Variants in H6PD observed in about 807,000 individuals in gnomAD.
H6PD encodes the protein GDH/6PGL endoplasmic bifunctional protein.
In H6PD, 48 loss-of-function variants were observed where a neutral mutation model predicts 61.2. That is an observed-to-expected ratio of 0.78 (90% CI 0.62 to 1.00). The LOEUF (loss-of-function observed/expected upper bound fraction) is 1.00. Among genes scored for constraint, H6PD ranks in the 50% least tolerant of loss-of-function variants. H6PD has a pLI of 0.00. For missense variants in H6PD, 1,093 were observed against 1,065.0 expected, an observed-to-expected ratio of 1.03 and a Z score of -0.37; for synonymous variants, 480 against 457.9, an observed-to-expected ratio of 1.05 and a Z score of -0.62.
chr1:9,260,083 C>CTGTTGTTACGCCGGTGTCGTTA (rs2100381508), intron 3 of H6PD, among the ~76,000 whole-genome samples: 1 of 149,986 alleles, frequency 6.7e-6, no homozygotes, highest in South Asian at 2.1e-4. Flanking sequence ...TGTTACGTTG[C>CTGTTGTTACGCCGGTGTCGTTA]TGTTGTTACG....
intron 1 of H6PD, among the ~76,000 whole-genome samples, chr1:9,243,441 G>A (rs540276050): frequency 2.0e-5 from 3 of 152,202 alleles, no homozygotes; most frequent in South Asian, 4.1e-4. Context: ...CAGTTCCTTC[G>A]TCACTGCTCC....
chr1:9,247,784 C>A (rs1557739727), intron 3 of H6PD, among the ~76,000 whole-genome samples: 1 of 152,182 alleles, frequency 6.6e-6, no homozygotes, highest in Non-Finnish European at 1.5e-5. Context: ...GCATGTCACT[C>A]CTTGCAGCTG....
chr1:9,249,214 G>A (rs180818897), intron 3 of H6PD, among the ~76,000 whole-genome samples: 53 of 152,272 alleles, frequency 3.5e-4, no homozygotes, highest in Non-Finnish European at 6.6e-4. Context: ...AGTTCTTCCA[G>A]CCCTCCCACC....
chr1:9,261,670 A>G (rs1638300179), intron 3 of H6PD, among the ~76,000 whole-genome samples: 1 of 152,240 alleles, frequency 6.6e-6, no homozygotes, highest in Admixed American at 6.5e-5. Context: ...GGGGTGCTGC[A>G]GCCCCCGCCA....
intron 1 of H6PD, 29 bp from the exon 2 acceptor site, chr1:9,244,896 T>G (rs1244438470): frequency 6.2e-7 from 1 of 1,609,852 alleles, no homozygotes; most frequent in Admixed American, 1.7e-5. Context: ...TCCTTCCTTG[T>G]TCCTCGTCTG....
intron 4 of H6PD, among the ~76,000 whole-genome samples, chr1:9,262,987 G>T (rs1638380750): frequency 6.6e-6 from 1 of 152,140 alleles, no homozygotes; most frequent in Non-Finnish European, 1.5e-5. Context: ...TCAGCCCCTG[G>T]CTCTTGCCAC....
chr1:9,238,441 CTG>C (rs1359382597), intron 1 of H6PD, among the ~76,000 whole-genome samples: 1 of 152,174 alleles, frequency 6.6e-6, no homozygotes, highest in African/African-American at 2.4e-5. Flanking sequence ...TAGGAAGTTC[CTG>C]TAGTAATCCA....
At position 9,263,605 on chromosome 1, in the gene H6PD, TCTTG is replaced by T. The variant is rs765140953; in HGVS notation, c.1113_1116del (p.Leu372SerfsTer191). The T allele has an allele frequency of 8.5e-5, 137 of 1,614,094 alleles. No individual in the cohort carries two copies. Among genetic ancestry groups the T allele is most frequent in the Non-Finnish European group, 1.1e-4 (127 of 1,180,036 alleles). On this transcript the variant is annotated frameshift_variant, in exon 5 of 5. Coordinates refer to ENST00000377403, the MANE Select transcript of H6PD (RefSeq NM_004285.4). LOFTEE classifies it high-confidence loss of function. Reference sequence around the variant, plus strand: ...GACGAGAGAGTGGGCTACGCTCGGATCTTGTTCAAGAACCAGGCCTGCTGTGTGC... The same window carrying T: ...GACGAGAGAGTGGGCTACGCTCGGATTTCAAGAACCAGGCCTGCTGTGTGC...
At chr1:9,249,981 G>A (rs763180) in intron 3 of H6PD, among the ~76,000 whole-genome samples, 73,434 of 152,038 alleles carry the variant, frequency 0.48, 19,162 homozygotes, top group African/African-American at 0.69. Context: ...CTGCATTCCA[G>A]GAAGGTGGCC....
At chr1:9,248,604 C>T (rs1641259441) in intron 3 of H6PD, among the ~76,000 whole-genome samples, 1 of 145,546 alleles carries the variant, frequency 6.9e-6, no homozygotes, top group South Asian at 2.2e-4. Flanking sequence ...GGACACCAGC[C>T]TGGGGAGCAT....
intron 3 of H6PD, among the ~76,000 whole-genome samples, chr1:9,261,358 G>C (rs1444853988): frequency 6.6e-6 from 1 of 151,920 alleles, no homozygotes; most frequent in Non-Finnish European, 1.5e-5. Context: ...CTGCCTCGGG[G>C]CTTTGGCACC....
intron 3 of H6PD, among the ~76,000 whole-genome samples, chr1:9,261,359 C>G (rs1328203939): frequency 6.6e-6 from 1 of 152,172 alleles, no homozygotes. Context: ...TGCCTCGGGG[C>G]TTTGGCACCT....
chr1:9,249,725 C>T (rs1641300837), intron 3 of H6PD, among the ~76,000 whole-genome samples: 1 of 152,176 alleles, frequency 6.6e-6, no homozygotes, highest in Non-Finnish European at 1.5e-5. Context: ...TAGTTCAGTC[C>T]ACGTTCCTTG....
chr1:9,262,382 G>T, intron 4 of H6PD, 54 bp downstream of exon 4: 1 of 1,517,626 alleles, frequency 6.6e-7, no homozygotes. Context: ...GCCGGGAGCA[G>T]CTTTCCAAAT....
chr1:9,262,858 A>C (rs1351466769), intron 4 of H6PD, among the ~76,000 whole-genome samples: 1 of 152,162 alleles, frequency 6.6e-6, no homozygotes, highest in Non-Finnish European at 1.5e-5. Context: ...CCTCTCATAC[A>C]AGCCTCACGC....
rs747719130 is a variant in H6PD, at chr1:9,263,890, T to C, written c.1397T>C (p.Phe466Ser). The C allele has an allele frequency of 1.9e-6, 3 of 1,614,126 alleles. No individual in the cohort carries two copies. The highest frequency in any genetic ancestry group is 2.2e-5 in the South Asian group (2 of 91,086). The change falls in exon 5 of 5, where the codon TTC becomes TCC. Residue 466 changes from phenylalanine (F) to serine (S), a missense_variant. Phe to Ser is a radical substitution (Grantham distance 155, BLOSUM62 -2). Transcript: ENST00000377403. ...DAHSVLLSHIFHGRKNFFITT... is the reference protein window; with the variant it reads ...DAHSVLLSHISHGRKNFFITT... ...CACTCCGTCCTCTTATCCCATATCT[T>C]CCATGGCCGGAAGAATTTCTTCATC...
chr1:9,261,923 A>G (rs1480426073), intron 3 of H6PD, 136 bp from the exon 4 acceptor site: 26 of 909,478 alleles, frequency 2.9e-5, no homozygotes, highest in African/African-American at 8.2e-5. Context: ...GGTGTGCACC[A>G]TTTTTATAGG....
Position 9,264,690 on chromosome 1 carries a change from C to G in H6PD, c.2197C>G (p.Leu733Val). 6.2e-7 allele frequency: 1 copy of G among 1,613,438 alleles called. No individual in the cohort carries two copies. ...SQPHRRMSLS[L>V]PLINRAKKVA... ...GCCACACCGCCGCATGAGCCTTAGC[C>G]TGCCTCTCATCAACCGCGCCAAGAA... Residue 733 changes from leucine to valine, a missense_variant, in exon 5 of 5, where the codon CTG (leucine) becomes GTG (valine). By Grantham distance (32) the Leu-to-Val change is conservative. Coordinates refer to ENST00000377403, the MANE Select transcript of H6PD (RefSeq NM_004285.4).
Position 9,263,959 on chromosome 1 carries a change from T to C in H6PD, c.1466T>C (p.Leu489Pro). The C allele has an allele frequency of 3.7e-6, 6 of 1,614,210 alleles. No homozygotes were observed. The highest frequency in any genetic ancestry group is 1.6e-4 in the Middle Eastern group (1 of 6,062). ...GCCTCCTGGAACTTCTGGACCCCTC[T>C]GCTGGAGAGCCTGGCCCATAAGGCC... ...LLASWNFWTP[L>P]LESLAHKAPR... is the part of the protein sequence containing the mutation. The change falls in exon 5 of 5, where the codon CTG becomes CCG. Residue 489 changes from leucine (L) to proline (P), a missense_variant. Transcript: ENST00000377403.
Sources: allele counts gnomAD v4.1 joint callset (sites outside exome capture counted in the v4.1 genomes callset), GRCh38; gene constraint gnomAD v4.1.1; transcripts MANE v1.5; gene names NCBI Gene and HGNC (gene_info 2026-07-23, HGNC 2026-07-21).